The following HADHB variants were observed in gnomAD, a reference collection of about 807,000 sequenced individuals.
HADHB encodes the protein trifunctional enzyme subunit beta, mitochondrial.
In HADHB, 50 loss-of-function variants were observed where a neutral mutation model predicts 61.9. That is an observed-to-expected ratio of 0.81 (90% CI 0.64 to 1.02). The LOEUF is 1.02. Among genes scored for constraint, HADHB ranks in the 50% least tolerant of loss-of-function variants. The pLI is 0.00. For synonymous variants in HADHB, 191 were observed against 201.6 expected (o/e 0.95, Z 0.45); for missense variants, 504 against 586.5 (o/e 0.86, Z 1.45).
intron 1 of HADHB, among the ~76,000 whole-genome samples, 152 bp from the exon 2 acceptor site, chr2:26,254,095 A>G (rs1409160506): frequency 2.0e-5 from 3 of 152,058 alleles, no homozygotes; most frequent in Non-Finnish European, 4.4e-5. Context: ...TGTTCCTATC[A>G]TAATAATATT....
intron 15 of HADHB, among the ~76,000 whole-genome samples, chr2:26,289,577 T>G (rs1205325233): frequency 6.6e-6 from 1 of 152,222 alleles, no homozygotes; most frequent in East Asian, 1.9e-4. Context: ...TCACTAGGAA[T>G]TAGATTCTGT....
intron 13 of HADHB, 53 bp downstream of exon 13, chr2:26,284,257 T>G: frequency 6.1e-6 from 6 of 989,536 alleles, no homozygotes; most frequent in Non-Finnish European, 9.8e-6. Context: ...AAAAATGTCA[T>G]CCATATTTGT....
chr2:26,253,877 T>TAAAC (rs1558341623), intron 1 of HADHB, among the ~76,000 whole-genome samples: 1 of 149,218 alleles, frequency 6.7e-6, no homozygotes, highest in Non-Finnish European at 1.5e-5. Context: ...AATAAATAAA[T>TAAAC]AAATAAATAA....
At chr2:26,261,091 A>G in intron 3 of HADHB, 2 of 1,093,938 alleles carry the variant, frequency 1.8e-6, no homozygotes, top group Non-Finnish European at 2.7e-6. Context: ...TCTGAATCTA[A>G]TCAGCTTTTA....
intron 15 of HADHB, among the ~76,000 whole-genome samples, chr2:26,288,515 C>T (rs1306066010): frequency 6.6e-6 from 1 of 151,768 alleles, no homozygotes; most frequent in African/African-American, 2.4e-5. Flanking sequence ...TCGAGACCAT[C>T]CTGGACAACA....
chr2:26,256,055 T>G (rs543162189), intron 3 of HADHB, among the ~76,000 whole-genome samples: 2 of 152,226 alleles, frequency 1.3e-5, no homozygotes, highest in East Asian at 3.8e-4. Context: ...GTTTCTGATG[T>G]TTGTGTCTCC....
intron 15 of HADHB, among the ~76,000 whole-genome samples, chr2:26,288,187 C>G (rs1673118893): frequency 6.6e-6 from 1 of 152,054 alleles, no homozygotes; most frequent in Non-Finnish European, 1.5e-5. Flanking sequence ...ATTGCTTGAG[C>G]CCGGGATGTT....
At chr2:26,262,294 A>G (rs1379691516) in intron 3 of HADHB, among the ~76,000 whole-genome samples, 1 of 152,190 alleles carries the variant, frequency 6.6e-6, no homozygotes, top group East Asian at 1.9e-4. Flanking sequence ...AAAACAAGAA[A>G]ATAATGAACT....
At chr2:26,245,164 G>A in intron 1 of HADHB, 174 bp downstream of exon 1, 1 of 199,752 alleles carries the variant, frequency 5.0e-6, no homozygotes, top group Non-Finnish European at 1.1e-5. Context: ...CTGCAGTTAG[G>A]ACAGTGACTT....
At chr2:26,275,762 T>G (rs1672514202) in intron 6 of HADHB, among the ~76,000 whole-genome samples, 1 of 152,358 alleles carries the variant, frequency 6.6e-6, no homozygotes, top group South Asian at 2.1e-4. Context: ...GAGGTCATGT[T>G]GCAGTTACAT....
intron 4 of HADHB, among the ~76,000 whole-genome samples, chr2:26,268,730 G>T (rs1313424955): frequency 6.6e-6 from 1 of 152,172 alleles, no homozygotes; most frequent in Non-Finnish European, 1.5e-5. Context: ...AACAGAAAAA[G>T]GACATTAGTG....
chr2:26,250,671 A>G (rs1387810350), intron 1 of HADHB, among the ~76,000 whole-genome samples: 1 of 146,726 alleles, frequency 6.8e-6, no homozygotes, highest in East Asian at 2.0e-4. Context: ...TTTTTTTTTA[A>G]TTAGCCAGGC....
At chr2:26,287,414 G>A (rs59572131) in intron 15 of HADHB, among the ~76,000 whole-genome samples, 3,167 of 152,168 alleles carry the variant, frequency 0.021, 125 homozygotes, top group African/African-American at 0.07. Flanking sequence ...TTCATGCCAG[G>A]CTTCTACCAG....
chr2:26,274,490 A>C (rs1672465266), intron 6 of HADHB, among the ~76,000 whole-genome samples: 1 of 152,238 alleles, frequency 6.6e-6, no homozygotes, highest in Non-Finnish European at 1.5e-5. Context: ...ACAAGGGCAC[A>C]TGAGCAGGAC....
At chr2:26,254,524 G>A in intron 3 of HADHB, 50 bp downstream of exon 3, 3 of 1,233,226 alleles carry the variant, frequency 2.4e-6, no homozygotes. Context: ...TTAGATTCCA[G>A]ATTCTATAGT....
rs927783258 is a variant in HADHB at position 26,279,379 on chromosome 2, A to G, written c.811+64A>G. 197 of 1,129,016 alleles carry G rather than the reference A, an allele frequency of 1.7e-4. 2 individuals carry two copies. In the East Asian group the frequency reaches 4.2e-3, roughly 24 times the overall value. 69.9% of individuals were successfully genotyped at this position (1,129,016 alleles called of 1,614,324 possible). ...TGAATTGCTCCTAAAACTCAAAAACATCCCGAGTGATTTTTCCATAAGTAT... is the reference window on the plus strand; with the variant it reads ...TGAATTGCTCCTAAAACTCAAAAACGTCCCGAGTGATTTTTCCATAAGTAT... On this transcript the variant is annotated intron_variant, in intron 9 of 15. Coordinates refer to ENST00000317799, the MANE Select transcript of HADHB (RefSeq NM_000183.3).
At chr2:26,271,035 T>G (rs1574656722) in intron 5 of HADHB, among the ~76,000 whole-genome samples, 1 of 150,800 alleles carries the variant, frequency 6.6e-6, no homozygotes, top group African/African-American at 2.4e-5. Flanking sequence ...CCTGCCACCA[T>G]GCCCGGCTAA....
At chr2:26,283,406 C>G (rs895297288) in intron 12 of HADHB, among the ~76,000 whole-genome samples, 2 of 152,042 alleles carry the variant, frequency 1.3e-5, no homozygotes, top group Non-Finnish European at 2.9e-5. Context: ...CGCCTGTAGT[C>G]CCAGCTACTC....
chr2:26,279,082 T>A (rs984889199), intron 8 of HADHB, 53 bp from the exon 9 acceptor site: 21 of 1,378,022 alleles, frequency 1.5e-5, no homozygotes, highest in Non-Finnish European at 3.1e-6. Context: ...TCCTAGGTGT[T>A]AGCATAACAC....
Sources: gnomAD v4.1 joint callset for allele counts (sites outside exome capture counted in the v4.1 genomes callset) on GRCh38, gnomAD v4.1.1 for gene constraint, MANE v1.5 for transcripts, NCBI Gene and HGNC (gene_info 2026-07-23, HGNC 2026-07-21) for gene names.